Variants in PDE11A observed in about 807,000 individuals in gnomAD.
PDE11A encodes phosphodiesterase 11A.
In PDE11A, 100 loss-of-function variants were observed where a neutral mutation model predicts 100.5. The observed-to-expected ratio is 1.00, with a 90% CI of 0.85 to 1.18. PDE11A has a LOEUF of 1.18. Ranked by LOEUF, PDE11A falls within the 50% of genes most tolerant of loss-of-function variation. The pLI is 0.00. For missense variants in PDE11A, 1,141 were observed against 1,152.6 expected (o/e 0.99, Z 0.15); for synonymous variants, 381 against 420.8 (o/e 0.91, Z 1.16).
In PDE11A at chr2:177,875,897, T is replaced by G; in HGVS notation, c.1329A>C (p.Glu443Asp). 6.2e-7 allele frequency: 1 copy of G among 1,612,174 alleles called. No individual in the cohort carries two copies. Reference protein sequence around the residue: ...SPVVKFTKSFELMSPKCSADA... With the variant: ...SPVVKFTKSFDLMSPKCSADA... ...CAGCACTGCACTTTGGGGACATCAATTCAAAGGATTTGGTAAATTTCACCA... is the reference window on the plus strand; with the variant it reads ...CAGCACTGCACTTTGGGGACATCAAGTCAAAGGATTTGGTAAATTTCACCA... The change falls in exon 5 of 20, where the codon GAA (glutamate) becomes GAC (aspartate). Residue 443 changes from glutamate (E) to aspartate (D), a missense_variant. Physicochemically the swap from Glu to Asp is conservative, Grantham distance 45. Coordinates refer to ENST00000286063, the MANE Select transcript of PDE11A (RefSeq NM_016953.4).
rs573155613 is a variant in PDE11A, at chr2:177,945,293, G to A, written c.1072-40106C>T. Reference sequence around the variant, plus strand: ...TGCCTGGCCGCCCATCGTCTGGGATGTGAGGAGCCCCTCTGCCTGGCTGCC... The same window carrying A: ...TGCCTGGCCGCCCATCGTCTGGGATATGAGGAGCCCCTCTGCCTGGCTGCC... On this transcript the variant is annotated intron_variant, in intron 2 of 19. Coordinates refer to ENST00000286063, the MANE Select transcript of PDE11A (RefSeq NM_016953.4). Among the ~76,000 whole-genome samples the A allele has an allele frequency of 1.7e-3, 253 of 149,466 alleles. 1 individual carries two copies. The highest frequency in any genetic ancestry group is 6.0e-3 in the African/African-American group (245 of 40,954).
intron 10 of PDE11A, among the ~76,000 whole-genome samples, chr2:177,749,458 C>T (rs2081998393): frequency 6.6e-6 from 1 of 152,074 alleles, no homozygotes; most frequent in Non-Finnish European, 1.5e-5. Context: ...GGTTAACAAA[C>T]ATTAGATTTA....
chr2:177,682,360 T>C (rs1446457972), intron 15 of PDE11A, among the ~76,000 whole-genome samples: 1 of 152,228 alleles, frequency 6.6e-6, no homozygotes, highest in African/African-American at 2.4e-5. Flanking sequence ...GCCTTGGGCC[T>C]ATGTTCTCAG....
intron 9 of PDE11A, among the ~76,000 whole-genome samples, chr2:177,812,969 G>A (rs13431317): frequency 0.038 from 3,240 of 84,926 alleles, 128 homozygotes; most frequent in African/African-American, 0.17. Flanking sequence ...ACAGTAGGGG[G>A]GAATCCCACA....
At chr2:177,980,031 A>G (rs957610086) in intron 2 of PDE11A, among the ~76,000 whole-genome samples, 7 of 150,666 alleles carry the variant, frequency 4.6e-5, no homozygotes, top group Non-Finnish European at 8.9e-5. Context: ...TCTCTGAAGC[A>G]GTTGACAGTG....
At chr2:178,014,066 G>A (rs776111108) in intron 2 of PDE11A, among the ~76,000 whole-genome samples, 4 of 152,054 alleles carry the variant, frequency 2.6e-5, no homozygotes, top group Admixed American at 6.6e-5. Flanking sequence ...GAATACTACC[G>A]AGGCTTATAA....
chr2:177,643,654 A>G (rs529537589), intron 19 of PDE11A, among the ~76,000 whole-genome samples: 1 of 152,360 alleles, frequency 6.6e-6, no homozygotes, highest in African/African-American at 2.4e-5. Context: ...TGCATAAGTA[A>G]TGAGGAGCTG....
intron 12 of PDE11A, among the ~76,000 whole-genome samples, chr2:177,721,833 T>C (rs908902799): frequency 3.3e-5 from 5 of 152,170 alleles, no homozygotes; most frequent in African/African-American, 1.2e-4. Flanking sequence ...ATTTCAAGAA[T>C]TTGAGGCTTC....
intron 19 of PDE11A, among the ~76,000 whole-genome samples, chr2:177,638,352 T>G (rs189717233): frequency 2.8e-4 from 43 of 152,318 alleles, no homozygotes; most frequent in Admixed American, 2.6e-3. Flanking sequence ...GAAGTTTGAT[T>G]TGGGTCTTTT....
At chr2:178,070,132 G>C (rs1473476249) in intron 1 of PDE11A, among the ~76,000 whole-genome samples, 1 of 152,090 alleles carries the variant, frequency 6.6e-6, no homozygotes, top group East Asian at 1.9e-4. Flanking sequence ...TAGCTTTCTA[G>C]GATTGTAGAG....
intron 19 of PDE11A, among the ~76,000 whole-genome samples, chr2:177,631,050 A>G (rs925072540): frequency 1.3e-5 from 2 of 152,140 alleles, no homozygotes; most frequent in Non-Finnish European, 2.9e-5. Flanking sequence ...TTTAAAAAGT[A>G]GGAAATGGAG....
chr2:177,631,319 A>C (rs1436892978), intron 19 of PDE11A, among the ~76,000 whole-genome samples: 2 of 133,104 alleles, frequency 1.5e-5, no homozygotes, highest in African/African-American at 6.4e-5. Context: ...AACAAAAAAA[A>C]AAACAACCTA....
At chr2:177,881,788 T>C (rs996694296) in intron 4 of PDE11A, among the ~76,000 whole-genome samples, 1 of 152,214 alleles carries the variant, frequency 6.6e-6, no homozygotes, top group Non-Finnish European at 1.5e-5. Context: ...AACAGTAGAG[T>C]GAATAGTTGC....
chr2:177,758,515 A>G (rs2082126442), intron 10 of PDE11A, among the ~76,000 whole-genome samples: 1 of 152,172 alleles, frequency 6.6e-6, no homozygotes. Flanking sequence ...TTCTGGGGAA[A>G]AGGAAGAGAA....
At chr2:177,836,989 A>T (rs547181258) in intron 6 of PDE11A, among the ~76,000 whole-genome samples, 1 of 152,180 alleles carries the variant, frequency 6.6e-6, no homozygotes, top group South Asian at 2.1e-4. Flanking sequence ...CTTGAAGTCA[A>T]TGAGACCAAG....
intron 2 of PDE11A, among the ~76,000 whole-genome samples, chr2:177,978,958 G>A (rs561259370): frequency 7.6e-4 from 97 of 127,494 alleles, no homozygotes; most frequent in African/African-American, 2.6e-3. Flanking sequence ...GGATAGCATT[G>A]GGAGATATAC....
intron 2 of PDE11A, among the ~76,000 whole-genome samples, chr2:177,911,082 G>A (rs1200696643): frequency 1.3e-5 from 2 of 150,704 alleles, no homozygotes; most frequent in Non-Finnish European, 3.0e-5. Context: ...CTGAAAACAG[G>A]ACTCTTAAAG....
chr2:177,660,318 G>C (rs1162518362), intron 19 of PDE11A, among the ~76,000 whole-genome samples: 5 of 151,906 alleles, frequency 3.3e-5, no homozygotes, highest in Non-Finnish European at 2.9e-5. Flanking sequence ...GGACTGTTCT[G>C]TGCATGTGTC....
chr2:178,024,196 G>C (rs952524588), intron 1 of PDE11A, among the ~76,000 whole-genome samples: 1 of 152,142 alleles, frequency 6.6e-6, no homozygotes, highest in African/African-American at 2.4e-5. Flanking sequence ...TGAATCACCT[G>C]AGGTCAGGAG....
Sources: gnomAD v4.1 joint callset for allele counts (sites outside exome capture counted in the v4.1 genomes callset) on GRCh38, gnomAD v4.1.1 for gene constraint, MANE v1.5 for transcripts, NCBI Gene and HGNC (gene_info 2026-07-23, HGNC 2026-07-21) for gene names.